The following DSCAML1 variants were observed in gnomAD, a reference collection of about 807,000 sequenced individuals.
The protein encoded by DSCAML1 is cell adhesion molecule DSCAML1.
In DSCAML1, 38 loss-of-function variants were observed where a neutral mutation model predicts 200.5. That is an observed-to-expected ratio of 0.19 (90% CI 0.15 to 0.25). The LOEUF is 0.25. Ranked by LOEUF, DSCAML1 falls within the 10% of genes least tolerant of loss-of-function variation. DSCAML1 has a pLI of 1.00. For missense variants in DSCAML1, 2,223 were observed against 2,858.8 expected, an observed-to-expected ratio of 0.78 and a Z score of 5.07; for synonymous variants, 1,215 against 1,165.0, an observed-to-expected ratio of 1.04 and a Z score of -0.87.
intron 3 of DSCAML1, among the ~76,000 whole-genome samples, chr11:117,653,686 C>T (rs943926283): frequency 2.8e-4 from 43 of 152,168 alleles, no homozygotes; most frequent in Admixed American, 2.5e-3. Flanking sequence ...CCATACGACC[C>T]AGCCATTCTA....
intron 3 of DSCAML1, among the ~76,000 whole-genome samples, chr11:117,643,161 A>G (rs1364347956): frequency 6.6e-6 from 1 of 152,226 alleles, no homozygotes; most frequent in African/African-American, 2.4e-5. Context: ...ATCCAGAGAA[A>G]GAAGTGCAAC....
chr11:117,536,033 G>A (rs1421405917), intron 3 of DSCAML1, among the ~76,000 whole-genome samples: 1 of 147,226 alleles, frequency 6.8e-6, no homozygotes, highest in Non-Finnish European at 1.5e-5. Flanking sequence ...CCCTTCTTGT[G>A]CATATTTAAT....
chr11:117,483,043 T>C (rs2048961661), intron 11 of DSCAML1, among the ~76,000 whole-genome samples: 1 of 152,134 alleles, frequency 6.6e-6, no homozygotes, highest in East Asian at 1.9e-4. Context: ...CCCAGGCTGG[T>C]CATCGGAAGC....
chr11:117,471,342 T>G (rs2048681414), intron 15 of DSCAML1, among the ~76,000 whole-genome samples: 1 of 152,156 alleles, frequency 6.6e-6, no homozygotes, highest in Non-Finnish European at 1.5e-5. Flanking sequence ...CAGCTAATTT[T>G]TGTATTTTTA....
chr11:117,812,301 C>G (rs538350375), intron 1 of DSCAML1, among the ~76,000 whole-genome samples: 2,074 of 152,206 alleles, frequency 0.014, 45 homozygotes, highest in African/African-American at 0.048. Flanking sequence ...TGCCTGTTAT[C>G]ACTCGCCTGC....
Position 117,524,992 on chromosome 11 carries a change from C to T in DSCAML1, c.750G>A (p.Ser250=), listed in dbSNP as rs142205484. 1.6e-4 allele frequency: 253 copies of T among 1,611,578 alleles called. 1 individual carries two copies. In the Middle Eastern group the frequency reaches 2.4e-3, roughly 15 times the overall value. ...GHTVELPCTA[S]GYPIPAIRWL... is the part of the protein sequence containing the mutation. ...AGCGGATGGCGGGGATAGGGTAGCC[C>T]GAGGCGGTGCAGGGCAGCTCCACGG... The change falls in exon 5 of 33, where the codon TCG becomes TCA. Residue 250 remains serine (S), a synonymous_variant. Coordinates refer to ENST00000651296, the MANE Select transcript of DSCAML1 (RefSeq NM_020693.4).
At chr11:117,769,002 G>C (rs2054948694) in intron 3 of DSCAML1, among the ~76,000 whole-genome samples, 1 of 147,810 alleles carries the variant, frequency 6.8e-6, no homozygotes, top group Non-Finnish European at 1.5e-5. Flanking sequence ...CTTGAACCTG[G>C]GGGGTGGAGG....
At chr11:117,499,971 A>C (rs2049365747) in intron 11 of DSCAML1, among the ~76,000 whole-genome samples, 1 of 152,260 alleles carries the variant, frequency 6.6e-6, no homozygotes, top group Admixed American at 6.5e-5. Context: ...TCAACTCTAC[A>C]TAGAAAGAAA....
chr11:117,529,195 C>T (rs1322831548), intron 4 of DSCAML1, among the ~76,000 whole-genome samples: 4 of 152,050 alleles, frequency 2.6e-5, no homozygotes, highest in Non-Finnish European at 4.4e-5. Context: ...TCTTTGCCTC[C>T]GCCTCCCGAG....
At chr11:117,628,462 A>G (rs977018774) in intron 3 of DSCAML1, among the ~76,000 whole-genome samples, 1 of 152,164 alleles carries the variant, frequency 6.6e-6, no homozygotes, top group Non-Finnish European at 1.5e-5. Context: ...GCAAAATGTA[A>G]AATCCTTTAC....
intron 16 of DSCAML1, among the ~76,000 whole-genome samples, chr11:117,468,483 T>C (rs962166186): frequency 5.3e-5 from 8 of 152,178 alleles, no homozygotes; most frequent in African/African-American, 1.9e-4. Context: ...TTTCAGTACT[T>C]TACATATTTA....
chr11:117,706,857 C>T (rs189184808), intron 3 of DSCAML1, among the ~76,000 whole-genome samples: 4 of 152,324 alleles, frequency 2.6e-5, no homozygotes, highest in Admixed American at 6.5e-5. Context: ...AAGGAGTTCA[C>T]GAACCACAGG....
intron 27 of DSCAML1, among the ~76,000 whole-genome samples, chr11:117,433,761 T>A (rs532265217): frequency 6.6e-6 from 1 of 152,352 alleles, no homozygotes; most frequent in South Asian, 2.1e-4. Flanking sequence ...CCTCATCTGC[T>A]TCATGAATTG....
chr11:117,628,258 G>A (rs1432610626), intron 3 of DSCAML1, among the ~76,000 whole-genome samples: 1 of 152,156 alleles, frequency 6.6e-6, no homozygotes. Context: ...CAAGGATGGA[G>A]TGAATCCTCC....
intron 3 of DSCAML1, among the ~76,000 whole-genome samples, chr11:117,577,491 TTCCTTCCTTCCTTCCC>T (rs1231385521): frequency 0.062 from 3,814 of 61,148 alleles, 164 homozygotes; most frequent in Middle Eastern, 0.13. Context: ...CCTTCCTTCC[TTCCTTCCTTCCTTCCC>T]TCCTTCCTTC....
chr11:117,612,077 T>C (rs1355416255), intron 3 of DSCAML1: 1 of 152,302 alleles, frequency 6.6e-6, no homozygotes, highest in Non-Finnish European at 1.5e-5. Context: ...ACCTTGTTCA[T>C]CTCTGCATGC....
intron 3 of DSCAML1, among the ~76,000 whole-genome samples, chr11:117,693,494 ACCC>A (rs928466074): frequency 1.3e-5 from 2 of 151,912 alleles, no homozygotes; most frequent in African/African-American, 4.8e-5. Context: ...CAAGCCCTGC[ACCC>A]CCCCATTTGA....
At chr11:117,555,594 T>C (rs2050545831) in intron 3 of DSCAML1, among the ~76,000 whole-genome samples, 1 of 151,990 alleles carries the variant, frequency 6.6e-6, no homozygotes, top group Non-Finnish European at 1.5e-5. Context: ...GGCCACATCA[T>C]ATGCAAAGGT....
intron 3 of DSCAML1, among the ~76,000 whole-genome samples, chr11:117,714,754 G>C (rs2053917318): frequency 6.7e-6 from 1 of 149,672 alleles, no homozygotes; most frequent in African/African-American, 2.5e-5. Context: ...CCTGGGAGGT[G>C]GAGGTCGCAG....
Sources: gnomAD v4.1 joint callset for allele counts (sites outside exome capture counted in the v4.1 genomes callset) on GRCh38, gnomAD v4.1.1 for gene constraint, MANE v1.5 for transcripts, NCBI Gene and HGNC (gene_info 2026-07-23, HGNC 2026-07-21) for gene names.